BIN1: variants seen among roughly 807,000 people sequenced by gnomAD.
BIN1 encodes the protein myc box-dependent-interacting protein 1.
Under a neutral mutation model 82.0 loss-of-function variants are expected in BIN1, and 53 were observed. The observed-to-expected ratio is 0.65, with a 90% CI of 0.52 to 0.81. BIN1 has a LOEUF of 0.81. BIN1 is among the 40% of genes least tolerant of loss of function. BIN1 has a pLI of 0.00. For missense variants in BIN1, 642 were observed against 784.4 expected, an observed-to-expected ratio of 0.82 and a Z score of 2.17; for synonymous variants, 302 against 328.0, an observed-to-expected ratio of 0.92 and a Z score of 0.86.
intron 10 of BIN1, among the ~76,000 whole-genome samples, chr2:127,061,570 C>G (rs1352980005): frequency 6.6e-6 from 1 of 152,226 alleles, no homozygotes; most frequent in South Asian, 2.1e-4. Context: ...AGGCATTTCC[C>G]TCCTCCCTCA....
At chr2:127,084,404 G>A (rs970259138) in intron 1 of BIN1, among the ~76,000 whole-genome samples, 3 of 152,312 alleles carry the variant, frequency 2.0e-5, no homozygotes, top group Middle Eastern at 3.4e-3. Context: ...TCCCAAGTGC[G>A]ACCAGTGGGA....
intron 7 of BIN1, 43 bp from the exon 8 acceptor site, chr2:127,064,061 G>T: frequency 6.2e-7 from 1 of 1,610,848 alleles, no homozygotes. Context: ...GGGCGTCCCA[G>T]CCAGCCCAGC....
Position 127,050,989 on chromosome 2 carries a change from G to A in BIN1, c.1462-77C>T, listed in dbSNP as rs552627048. Reference sequence around the variant, plus strand: ...CAGGGCCACCGAGGAGAAGAGGGGCGGGGAGGGGAGAAAGGTGTCTGCGCC... The same window carrying A: ...CAGGGCCACCGAGGAGAAGAGGGGCAGGGAGGGGAGAAAGGTGTCTGCGCC... On this transcript the variant is annotated intron_variant, in intron 16 of 18. Transcript: ENST00000316724. 85 of 1,523,984 alleles carry A rather than the reference G, an allele frequency of 5.6e-5. No individual in the cohort carries two copies. The African/African-American group carries it at 7.7e-4, about 14-fold the overall frequency. 94.4% of individuals were successfully genotyped at this position (1,523,984 alleles called of 1,614,324 possible).
chr2:127,086,676 T>C (rs909911732), intron 1 of BIN1, among the ~76,000 whole-genome samples: 1 of 151,988 alleles, frequency 6.6e-6, no homozygotes, highest in Admixed American at 6.5e-5. Flanking sequence ...CCTGGCTAAT[T>C]TTTGAATTTT....
intron 1 of BIN1, among the ~76,000 whole-genome samples, chr2:127,105,777 C>G (rs192470748): frequency 1.7e-3 from 255 of 152,330 alleles, no homozygotes; most frequent in African/African-American, 5.7e-3. Context: ...GCCGGCCTGT[C>G]CCTGCGCCTC....
At position 127,068,305 on chromosome 2, in the gene BIN1, G is replaced by C. The variant is rs1173477051; in HGVS notation, c.520-50C>G. 2.7e-6 allele frequency: 4 copies of C among 1,479,122 alleles called. No homozygotes were observed. In the South Asian group the frequency reaches 4.6e-5, roughly 17 times the overall value. The allele number at this position is 1,479,122 out of a possible 1,614,324, so 91.6% of individuals were successfully genotyped here. A position where few individuals can be genotyped will look rare whatever the true frequency, so the allele number is the denominator to read the frequency against. ...GGAAGGTGGAGAGACCAGGGAGGTG[G>C]GGAGAGAGAAACAGAGACACACAGA... On this transcript the variant is annotated intron_variant, in intron 6 of 18. Transcript: ENST00000316724. This position sits in a 1 kb window ranked among gnomAD's most constrained non-coding sequence, Gnocchi z 4.9.
chr2:127,069,074 C>G (rs1245832712), intron 5 of BIN1, 43 bp from the exon 6 acceptor site: 1 of 1,575,832 alleles, frequency 6.3e-7, no homozygotes, highest in Non-Finnish European at 8.7e-7. Flanking sequence ...CCTGGCACCC[C>G]TGCTGAGACT....
intron 1 of BIN1, among the ~76,000 whole-genome samples, chr2:127,103,561 C>A (rs78208175): frequency 2.0e-5 from 3 of 152,310 alleles, no homozygotes; most frequent in Non-Finnish European, 4.4e-5. Context: ...CCAGAGCCTT[C>A]CTCCTGTGCT....
intron 1 of BIN1, among the ~76,000 whole-genome samples, chr2:127,087,946 A>C (rs1244867495): frequency 6.6e-6 from 1 of 152,176 alleles, no homozygotes; most frequent in Non-Finnish European, 1.5e-5. Flanking sequence ...AGTTTCTAGA[A>C]GGGCTACGCC....
intron 13 of BIN1, chr2:127,053,648 C>A (rs979097261): frequency 3.9e-6 from 3 of 763,856 alleles, no homozygotes; most frequent in Non-Finnish European, 4.5e-6. Context: ...GACCCCAAGC[C>A]AGGATGCTTC....
At chr2:127,076,464 T>C (rs534236639) in intron 2 of BIN1, among the ~76,000 whole-genome samples, 162 bp downstream of exon 2, 34 of 145,590 alleles carry the variant, frequency 2.3e-4, no homozygotes, top group Non-Finnish European at 3.4e-4. Flanking sequence ...CCAGCATGCA[T>C]TGCCAGTGCT....
chr2:127,076,417 A>G (rs1254762347), intron 2 of BIN1, among the ~76,000 whole-genome samples: 1 of 144,250 alleles, frequency 6.9e-6, no homozygotes, highest in Non-Finnish European at 1.5e-5. Context: ...TCTCCTACCA[A>G]GAACCTAAAG....
chr2:127,081,886 G>A (rs1354774404), intron 1 of BIN1: 5 of 1,284,996 alleles, frequency 3.9e-6, no homozygotes, highest in Non-Finnish European at 5.1e-6. Flanking sequence ...GCTGAGAAGT[G>A]AGCCCTGTCT....
chr2:127,052,316 G>T lies in BIN1; in HGVS notation c.1310C>A (p.Ala437Asp). Residue 437 changes from alanine to aspartate, a missense_variant, in exon 15 of 19, where the codon GCT (alanine) becomes GAT (aspartate). Coordinates refer to ENST00000316724, the MANE Select transcript of BIN1 (RefSeq NM_139343.3). ...GGACACAGCAAAGGTGCCCTCGGCA[G>T]CGCTGGGCTCCCCGGAAGGCAGGCT... ...AGSLPSGEPS[A>D]AEGTFAVSWP... The T allele has an allele frequency of 6.3e-7, 1 of 1,587,534 alleles. No individual in the cohort carries two copies. The highest frequency in any genetic ancestry group is 8.6e-7 in the Non-Finnish European group (1 of 1,167,440).
intron 4 of BIN1, among the ~76,000 whole-genome samples, chr2:127,070,346 G>A (rs1312389244): frequency 1.3e-5 from 2 of 152,202 alleles, no homozygotes; most frequent in Admixed American, 6.5e-5. Flanking sequence ...AAATAAGGAC[G>A]ACCACGACCC....
At chr2:127,105,048 G>T (rs373741184) in intron 1 of BIN1, among the ~76,000 whole-genome samples, 52 of 152,358 alleles carry the variant, frequency 3.4e-4, no homozygotes, top group African/African-American at 1.2e-3. Context: ...CGTGGCCACA[G>T]AACAGGGGCT....
Position 127,058,906 on chromosome 2 carries a change from C to T in BIN1, c.1002+105G>A. 2 of 1,494,114 alleles carry T rather than the reference C, an allele frequency of 1.3e-6. 1 individual carries two copies. The allele number at this position is 1,494,114 out of a possible 1,614,324, so 92.6% of individuals were successfully genotyped here. A position where few individuals can be genotyped will look rare whatever the true frequency, so the allele number is the denominator to read the frequency against. Reference sequence around the variant, plus strand: ...GGGCAAAGCATCGGGTCCATAGCTGCCCAGGCCAGAAAGGGGACAGAGGAG... The same window carrying T: ...GGGCAAAGCATCGGGTCCATAGCTGTCCAGGCCAGAAAGGGGACAGAGGAG... On this transcript the variant is annotated intron_variant, in intron 11 of 18. Coordinates refer to ENST00000316724, the MANE Select transcript of BIN1 (RefSeq NM_139343.3).
At chr2:127,087,171 G>T (rs763880023) in intron 1 of BIN1, among the ~76,000 whole-genome samples, 1 of 152,164 alleles carries the variant, frequency 6.6e-6, no homozygotes, top group African/African-American at 2.4e-5. Flanking sequence ...GGTCAAAAAC[G>T]AAAACACAGA....
At chr2:127,106,213 T>C (rs1245543448) in intron 1 of BIN1, among the ~76,000 whole-genome samples, 2 of 151,942 alleles carry the variant, frequency 1.3e-5, no homozygotes, top group African/African-American at 4.8e-5. Context: ...CGAGGGCACC[T>C]CCTTGCGGGG....
Sources: gnomAD v4.1 joint callset for allele counts (sites outside exome capture counted in the v4.1 genomes callset) on GRCh38, gnomAD v4.1.1 for gene constraint, Gnocchi (gnomAD v3.1) non-coding constraint, MANE v1.5 for transcripts, NCBI Gene and HGNC (gene_info 2026-07-23, HGNC 2026-07-21) for gene names.